Variants in BRWD1 observed in about 807,000 individuals in gnomAD.
The protein encoded by BRWD1 is bromodomain and WD repeat-containing protein 1.
In BRWD1, 82 loss-of-function variants were observed where a neutral mutation model predicts 251.2. The ratio of observed to expected loss-of-function variants is 0.33; its 90% CI spans 0.27 to 0.39. The LOEUF (loss-of-function observed/expected upper bound fraction) is 0.39, where lower values mean the gene tolerates loss of function less well. Among genes scored for constraint, BRWD1 ranks in the 10% least tolerant of loss-of-function variants. The pLI is 1.00. For synonymous variants in BRWD1, 918 were observed against 902.8 expected (o/e 1.02, Z -0.30); for missense variants, 2,233 against 2,711.6 (o/e 0.82, Z 3.92).
intron 8 of BRWD1, among the ~76,000 whole-genome samples, chr21:39,284,189 G>C (rs375541097): frequency 5.9e-5 from 9 of 152,060 alleles, no homozygotes; most frequent in Non-Finnish European, 8.8e-5. Context: ...TTTTTGTGAA[G>C]AACCTCCAGC....
At chr21:39,312,703 G>T in intron 4 of BRWD1, 138 bp downstream of exon 4, 2 of 477,240 alleles carry the variant, frequency 4.2e-6, no homozygotes, top group South Asian at 2.8e-5. Flanking sequence ...CTTCAGCCGG[G>T]AACGCAGCTA....
chr21:39,227,552 T>G (rs1171805837), intron 27 of BRWD1, among the ~76,000 whole-genome samples: 2 of 152,156 alleles, frequency 1.3e-5, no homozygotes, highest in African/African-American at 2.4e-5. Flanking sequence ...TACATTGAGG[T>G]ACTAAAATTA....
rs999376981 is a variant in BRWD1, at chr21:39,258,594, A to G, written c.1964T>C (p.Leu655Pro). ...CTGCAACTGTCTTATCATTCCATCA[A>G]GAATACTCGATTCTGGGCTGCGTTC... Reference protein sequence around the residue: ...NDERSPESSILDGMIRQLQQQ... With the variant: ...NDERSPESSIPDGMIRQLQQQ... The change falls in exon 18 of 41, where the codon CTT becomes CCT. Residue 655 changes from leucine to proline, a missense_variant. Physicochemically the swap from Leu to Pro is moderately conservative, Grantham distance 98 (BLOSUM62 -3). This residue lies in a region of BRWD1 where 73 missense variants were observed against 68.1 expected (regional missense o/e 1.07). Coordinates refer to ENST00000342449, the MANE Select transcript of BRWD1 (RefSeq NM_033656.4). 1.2e-6 allele frequency: 2 copies of G among 1,613,566 alleles called. No individual in the cohort carries two copies. Among genetic ancestry groups the G allele is most frequent in the Middle Eastern group, 1.6e-4 (1 of 6,062 alleles).
At chr21:39,284,768 T>C (rs760894531) in intron 8 of BRWD1, among the ~76,000 whole-genome samples, 1 of 152,220 alleles carries the variant, frequency 6.6e-6, no homozygotes, top group Non-Finnish European at 1.5e-5. Flanking sequence ...ATTTTTTAAC[T>C]GAATTTTTTT....
intron 21 of BRWD1, among the ~76,000 whole-genome samples, chr21:39,244,140 T>G (rs112569900): frequency 0.019 from 2,946 of 152,182 alleles, 55 homozygotes; most frequent in Non-Finnish European, 0.03. Flanking sequence ...CTCGGCTCAC[T>G]GCAAGTTCTG....
At position 39,313,591 on chromosome 21, in the gene BRWD1, GCC is replaced by G; in HGVS notation, c.-102_-101del. The G allele has an allele frequency of 3.6e-6, 1 of 275,316 alleles. No homozygotes were observed. The highest frequency in any genetic ancestry group is 1.0e-4 in the South Asian group (1 of 9,966). The allele number at this position is 275,316 out of a possible 1,614,324, so 17.1% of individuals were successfully genotyped here. A position where few individuals can be genotyped will look rare whatever the true frequency, so the allele number is the denominator to read the frequency against. ...TGGCGTCCCCTCTTCTCAGGCGCGC[GCC>G]GCCGCCGCCGCCGCCGCCGCCATAC... On this transcript the variant is annotated 5_prime_UTR_variant, in exon 1 of 41. The change abolishes the stop of an existing upstream ORF in the 5' untranslated region. Transcript: ENST00000342449.
intron 20 of BRWD1, among the ~76,000 whole-genome samples, chr21:39,250,271 G>A (rs114262621): frequency 6.6e-6 from 1 of 151,906 alleles, no homozygotes; most frequent in Admixed American, 6.6e-5. Context: ...AATGTAAATC[G>A]TCTCTGGGAA....
Position 39,196,775 on chromosome 21 carries a change from G to A in BRWD1, c.6294C>T (p.Gly2098=). The change falls in exon 41 of 41, where the codon GGC becomes GGT. Residue 2098 remains glycine, a synonymous_variant. Transcript: ENST00000342449. ...CCTTTCCATAGGTCCTGAGTCTTCT[G>A]CCATTCCACCTGCGCAGCCCATAAT... ...ELNYGLRRWN[G]RRLRTYGKAP... The A allele has an allele frequency of 6.2e-7, 1 of 1,613,090 alleles. No homozygotes were observed. Among genetic ancestry groups the A allele is most frequent in the East Asian group, 2.2e-5 (1 of 44,878 alleles).
At chr21:39,296,052 A>G in intron 6 of BRWD1, 149 bp from the exon 7 acceptor site, 3 of 674,396 alleles carry the variant, frequency 4.4e-6, no homozygotes, top group South Asian at 4.1e-5. Context: ...ATTCTTCTGT[A>G]TTCAGTAACA....
intron 20 of BRWD1, among the ~76,000 whole-genome samples, chr21:39,249,914 G>GT (rs1226159501): frequency 0.28 from 7,151 of 25,974 alleles, 215 homozygotes; most frequent in African/African-American, 0.39. Flanking sequence ...AAAAGAAGGG[G>GT]GGTGTGTGTG....
intron 4 of BRWD1, among the ~76,000 whole-genome samples, chr21:39,299,457 A>T (rs957034484): frequency 1.2e-4 from 19 of 152,166 alleles, no homozygotes; most frequent in Non-Finnish European, 2.5e-4. Flanking sequence ...CCATAAGTGG[A>T]TATACCTATG....
At chr21:39,248,247 A>G (rs533460559) in intron 20 of BRWD1, among the ~76,000 whole-genome samples, 3 of 152,294 alleles carry the variant, frequency 2.0e-5, no homozygotes, top group Non-Finnish European at 2.9e-5. Flanking sequence ...TGTTCAACAT[A>G]CTAATCATTA....
chr21:39,202,775 T>C (rs2032176322), intron 37 of BRWD1, among the ~76,000 whole-genome samples: 1 of 152,246 alleles, frequency 6.6e-6, no homozygotes, highest in Admixed American at 6.5e-5. Flanking sequence ...AATGAATCAA[T>C]GTTCCAAGTA....
At chr21:39,218,052 A>T (rs1422355938) in intron 31 of BRWD1, 100 bp downstream of exon 31, 1 of 1,249,622 alleles carries the variant, frequency 8.0e-7, no homozygotes, top group African/African-American at 1.5e-5. Context: ...AGAAAATGCT[A>T]ATCAGCCCCC....
chr21:39,294,490 TA>T (rs1330201710), intron 7 of BRWD1, among the ~76,000 whole-genome samples: 13 of 152,068 alleles, frequency 8.5e-5, no homozygotes, highest in Admixed American at 6.6e-4. Flanking sequence ...ACCTTTCTAC[TA>T]AAAAATACAA....
chr21:39,290,207 A>G (rs1392502226), intron 8 of BRWD1, among the ~76,000 whole-genome samples: 1 of 151,762 alleles, frequency 6.6e-6, no homozygotes, highest in Non-Finnish European at 1.5e-5. Flanking sequence ...TCACCCACTG[A>G]GGTTGGGCGA....
rs2031684911 is a variant in BRWD1, at chr21:39,193,975, A to G, written c.*2284T>C. 5 of 985,486 alleles carry G rather than the reference A, an allele frequency of 5.1e-6. No individual in the cohort carries two copies. The highest frequency in any genetic ancestry group is 1.7e-5 in the African/African-American group (1 of 57,228). 61.0% of individuals were successfully genotyped at this position (985,486 alleles called of 1,614,324 possible). ...CTCCATTATCTCTCAGTTTTATTTC[A>G]TAACTTGAGAAGCTACCATTGTCGG... is the stretch of plus-strand genomic sequence containing the variant. On this transcript the variant is annotated 3_prime_UTR_variant, in exon 41 of 41. Coordinates refer to ENST00000342449, the MANE Select transcript of BRWD1 (RefSeq NM_033656.4).
chr21:39,245,537 A>G lies in BRWD1; in HGVS notation c.2481+2164T>C, dbSNP rs542874936. 4.6e-4 allele frequency among the ~76,000 whole-genome samples: 70 copies of G among 152,010 alleles called. 1 individual carries two copies. Among genetic ancestry groups the G allele is most frequent in the Admixed American group, 3.6e-3 (55 of 15,252 alleles). ...ACTTTTCAGTCATATCTAATACTTC[A>G]TTCCTCAAAACATTACTCAGTCAGG... On this transcript the variant is annotated intron_variant, in intron 21 of 40. Coordinates refer to ENST00000342449, the MANE Select transcript of BRWD1 (RefSeq NM_033656.4).
In BRWD1 at chr21:39,199,014, C is replaced by T. The variant is rs776030442; in HGVS notation, c.5402G>A (p.Arg1801Lys). Residue 1801 changes from arginine (R) to lysine (K), a missense_variant, in exon 40 of 41, where the codon AGG (arginine) becomes AAG (lysine). Arg to Lys is a conservative substitution (Grantham distance 26). Around this residue, in one of 12 missense-constraint regions of BRWD1, gnomAD observed 928 missense variants for 970.0 expected, o/e 0.96. Transcript: ENST00000342449. ...ADSEPGRSGG[R>K]KYNTFHKNAS... The stretch of plus-strand genomic sequence containing the variant: ...ATTCTTGTGAAATGTATTGTATTTC[C>T]TACCACCAGATCTTCCTGGTTCAGA... The T allele has an allele frequency of 3.1e-6, 5 of 1,613,944 alleles. No homozygotes were observed. In the African/African-American group the frequency reaches 6.7e-5, roughly 22 times the overall value.
Sources: allele counts gnomAD v4.1 joint callset (sites outside exome capture counted in the v4.1 genomes callset), GRCh38; gene constraint gnomAD v4.1.1; regional missense constraint gnomAD v4.1.1; transcripts MANE v1.5; gene names NCBI Gene and HGNC (gene_info 2026-07-23, HGNC 2026-07-21).